GUCA1C: variants seen among roughly 807,000 people sequenced by gnomAD.
GUCA1C encodes the protein guanylyl cyclase-activating protein 3.
In GUCA1C, 15 loss-of-function variants were observed where a neutral mutation model predicts 16.2. The ratio of observed to expected loss-of-function variants is 0.93; its 90% CI spans 0.62 to 1.43. GUCA1C has a LOEUF of 1.43. GUCA1C is among the 40% of genes most tolerant of loss of function. The pLI is 0.00. For missense variants in GUCA1C, 275 were observed against 244.8 expected (o/e 1.12, Z -0.82); for synonymous variants, 78 against 85.4 (o/e 0.91, Z 0.48).
chr3:108,914,453 G>C (rs1471861594), intron 3 of GUCA1C, among the ~76,000 whole-genome samples: 1 of 152,170 alleles, frequency 6.6e-6, no homozygotes, highest in Non-Finnish European at 1.5e-5. Flanking sequence ...GTTTTCCTAA[G>C]AATACCAAAA....
intron 1 of GUCA1C, among the ~76,000 whole-genome samples, chr3:108,935,697 A>G (rs2030871176): frequency 6.6e-6 from 1 of 152,004 alleles, no homozygotes; most frequent in South Asian, 2.1e-4. Flanking sequence ...CTCCGTCTCA[A>G]AAAAAACAAA....
intron 1 of GUCA1C, among the ~76,000 whole-genome samples, chr3:108,945,399 T>C (rs1946834459): frequency 6.6e-6 from 1 of 152,244 alleles, no homozygotes; most frequent in African/African-American, 2.4e-5. Flanking sequence ...GGTGTAACAC[T>C]GACCACAAGA....
At chr3:108,909,595 T>C (rs1006831993) in intron 3 of GUCA1C, among the ~76,000 whole-genome samples, 7 of 152,204 alleles carry the variant, frequency 4.6e-5, no homozygotes, top group Non-Finnish European at 8.8e-5. Context: ...TTTTGACTGT[T>C]TAGTTATCAA....
At chr3:108,915,234 A>G (rs944348081) in intron 3 of GUCA1C, among the ~76,000 whole-genome samples, 23 of 151,978 alleles carry the variant, frequency 1.5e-4, no homozygotes, top group African/African-American at 5.1e-4. Context: ...CACCAGAAGA[A>G]GTGATGCATG....
At chr3:108,914,907 G>C (rs1165264371) in intron 3 of GUCA1C, among the ~76,000 whole-genome samples, 1 of 152,066 alleles carries the variant, frequency 6.6e-6, no homozygotes, top group Non-Finnish European at 1.5e-5. Flanking sequence ...TTTCTTACAA[G>C]CTTTCACATG....
At chr3:108,954,982 T>C (rs1946934351), upstream of GUCA1C, among the ~76,000 whole-genome samples, 1 of 152,072 alleles carries the variant, frequency 6.6e-6, no homozygotes, top group Non-Finnish European at 1.5e-5. Context: ...ATGATCCGCC[T>C]CAGCCTCCCA....
intron 1 of GUCA1C, among the ~76,000 whole-genome samples, chr3:108,942,599 T>C (rs1355635497): frequency 2.0e-5 from 3 of 152,230 alleles, no homozygotes; most frequent in Non-Finnish European, 4.4e-5. Context: ...TGGGATGGGA[T>C]TGAAGAATTC....
At chr3:108,921,896 C>T (rs893690801) in intron 1 of GUCA1C, among the ~76,000 whole-genome samples, 1 of 152,060 alleles carries the variant, frequency 6.6e-6, no homozygotes, top group African/African-American at 2.4e-5. Context: ...GAGCAGTGAA[C>T]ACTGTACCCA....
At chr3:108,916,640 G>A (rs181561392) in intron 2 of GUCA1C, among the ~76,000 whole-genome samples, 143 of 152,232 alleles carry the variant, frequency 9.4e-4, no homozygotes, top group Non-Finnish European at 8.1e-4. Context: ...CTTCCTCTCC[G>A]GCTTCCACCG....
intron 1 of GUCA1C, among the ~76,000 whole-genome samples, chr3:108,929,355 T>C (rs13061120): frequency 0.025 from 3,861 of 152,306 alleles, 75 homozygotes; most frequent in Middle Eastern, 0.12. Context: ...GTTTTTTGGT[T>C]AATTCTTTTG....
intron 1 of GUCA1C, among the ~76,000 whole-genome samples, chr3:108,936,892 C>T (rs1219499842): frequency 6.6e-6 from 1 of 152,166 alleles, no homozygotes; most frequent in Non-Finnish European, 1.5e-5. Context: ...GGCCCTCCCA[C>T]ACCTCTCCTT....
chr3:108,916,051 G>A, intron 3 of GUCA1C, 76 bp downstream of exon 3: 1 of 1,583,570 alleles, frequency 6.3e-7, no homozygotes, highest in African/African-American at 1.4e-5. Context: ...TCCTGCTTTT[G>A]TCTAAATAAC....
In GUCA1C at chr3:108,953,510, G is replaced by A. The variant is rs767013596; in HGVS notation, c.204+49C>T. On this transcript the variant is annotated intron_variant, in intron 1 of 3. Transcript: ENST00000261047. ...CAGGAAAAAAAAAAAAAAGGGAAGA[G>A]TGCAGAACCACAGCATTTTCAAATG... The A allele has an allele frequency of 5.0e-6, 6 of 1,195,438 alleles. No individual in the cohort carries two copies. The African/African-American group carries it at 7.6e-5, about 15-fold the overall frequency. 74.1% of individuals were successfully genotyped at this position (1,195,438 alleles called of 1,614,324 possible).
intron 1 of GUCA1C, among the ~76,000 whole-genome samples, chr3:108,932,739 T>G (rs1472566398): frequency 1.3e-5 from 2 of 151,844 alleles, no homozygotes; most frequent in East Asian, 3.9e-4. Flanking sequence ...CTGACCAACA[T>G]GGAGAAAGCC....
At chr3:108,946,282 T>C (rs1021886062) in intron 1 of GUCA1C, among the ~76,000 whole-genome samples, 1 of 152,064 alleles carries the variant, frequency 6.6e-6, no homozygotes, top group African/African-American at 2.4e-5. Context: ...TGTGAGCCAC[T>C]GTGCCCAGCT....
Position 108,907,971 on chromosome 3 carries a change from T to C in GUCA1C, c.*51A>G. 1 of 1,322,758 alleles carries C rather than the reference T, an allele frequency of 7.6e-7. No individual in the cohort carries two copies. The highest frequency in any genetic ancestry group is 1.1e-6 in the Non-Finnish European group (1 of 940,850). The allele number at this position is 1,322,758 out of a possible 1,614,324, so 81.9% of individuals were successfully genotyped here. A position where few individuals can be genotyped will look rare whatever the true frequency, so the allele number is the denominator to read the frequency against. ...TGTACATGGGGAAGATTCTATTTCTTCTCTACTGAAATGTTGTGCTCATTG... is the reference window on the plus strand; with the variant it reads ...TGTACATGGGGAAGATTCTATTTCTCCTCTACTGAAATGTTGTGCTCATTG... On this transcript the variant is annotated 3_prime_UTR_variant, in exon 4 of 4. Transcript: ENST00000261047.
chr3:108,914,169 G>C (rs1019123745), intron 3 of GUCA1C, among the ~76,000 whole-genome samples: 3 of 151,842 alleles, frequency 2.0e-5, no homozygotes, highest in African/African-American at 7.3e-5. Context: ...CCTTTTTTCT[G>C]TCGCTGACTT....
rs187515566 is a variant in GUCA1C at position 108,915,709 on chromosome 3, C to T, written c.442+418G>A. Among the ~76,000 whole-genome samples, 10 of 152,186 alleles carry T rather than the reference C, an allele frequency of 6.6e-5. 1 individual carries two copies. The highest frequency in any genetic ancestry group is 1.3e-4 in the Non-Finnish European group (9 of 67,994). The stretch of plus-strand genomic sequence containing the variant: ...AAAGCCTGATAGTAGAAGAAGATAG[C>T]ATAAATGAAGGAAAGTTTTCTGCAG... On this transcript the variant is annotated intron_variant, in intron 3 of 3. Transcript: ENST00000261047.
chr3:108,937,218 T>A (rs1182643983), intron 1 of GUCA1C, among the ~76,000 whole-genome samples: 1 of 152,046 alleles, frequency 6.6e-6, no homozygotes, highest in Non-Finnish European at 1.5e-5. Flanking sequence ...ATTCAGCATC[T>A]CTCCACCCAC....
Sources: allele counts gnomAD v4.1 joint callset (sites outside exome capture counted in the v4.1 genomes callset), GRCh38; gene constraint gnomAD v4.1.1; transcripts MANE v1.5; gene names NCBI Gene and HGNC (gene_info 2026-07-23, HGNC 2026-07-21).